Variants in PPL observed in about 807,000 individuals in gnomAD.
PPL encodes the protein periplakin, also known as 190 kDa paraneoplastic pemphigus antigen.
PPL carries 198 observed loss-of-function variants against 194.4 expected under a neutral mutation model. That is an observed-to-expected ratio of 1.02 (90% confidence interval 0.91 to 1.15). The LOEUF (loss-of-function observed/expected upper bound fraction) is 1.15. PPL is among the 50% of genes most tolerant of loss of function. The pLI is 0.00. For synonymous variants in PPL, 1,220 were observed against 972.4 expected, an observed-to-expected ratio of 1.25 and a Z score of -4.74; for missense variants, 2,885 against 2,294.8, an observed-to-expected ratio of 1.26 and a Z score of -5.25.
chr16:4,889,241 G>GGTTTTTTTTTTTTTTTTTTTT lies in PPL; in HGVS notation c.2314-181_2314-180insAAAAAAAAAAAAAAAAAAAAC, dbSNP rs1442783436. Among the ~76,000 whole-genome samples, 20 of 66,634 alleles carry GGTTTTTTTTTTTTTTTTTTTT rather than the reference G, an allele frequency of 3.0e-4. 3 individuals are homozygous for GGTTTTTTTTTTTTTTTTTTTT. Among genetic ancestry groups the GGTTTTTTTTTTTTTTTTTTTT allele is most frequent in the East Asian group, 4.8e-4 (1 of 2,100 alleles). 43.7% of individuals were successfully genotyped at this position (66,634 alleles called of 152,430 possible). On this transcript the variant is annotated intron_variant, in intron 18 of 21. Coordinates refer to ENST00000345988, the MANE Select transcript of PPL (RefSeq NM_002705.5). ...AAAAGGCAGTTTTTTTGTTGTTGTT[G>GGTTTTTTTTTTTTTTTTTTTT]TTTTTTTTTTTTTTTTTTTTTTTTT...
chr16:4,889,239 T>G (rs1399725973), intron 18 of PPL, among the ~76,000 whole-genome samples, 178 bp from the exon 19 acceptor site: 4 of 42,826 alleles, frequency 9.3e-5, no homozygotes, highest in African/African-American at 2.0e-4. Context: ...TTTGTTGTTG[T>G]TGTTTTTTTT....
chr16:4,926,367 G>T (rs1254393127), intron 1 of PPL, among the ~76,000 whole-genome samples: 1 of 152,088 alleles, frequency 6.6e-6, no homozygotes, highest in African/African-American at 2.4e-5. Flanking sequence ...CTGGCAACAG[G>T]CCCTTCACCA....
intron 2 of PPL, among the ~76,000 whole-genome samples, chr16:4,905,122 G>C (rs2088656703): frequency 6.6e-6 from 1 of 152,192 alleles, no homozygotes; most frequent in African/African-American, 2.4e-5. Context: ...AGGGGAATGA[G>C]TGCAGGTTGG....
intron 1 of PPL, among the ~76,000 whole-genome samples, chr16:4,936,219 G>A (rs2089296511): frequency 6.6e-6 from 1 of 152,192 alleles, no homozygotes; most frequent in South Asian, 2.1e-4. Flanking sequence ...GCTGGGGTGG[G>A]GGCAGGGAGC....
In PPL at chr16:4,885,858, C is replaced by T; in HGVS notation, c.2797G>A (p.Val933Met). The change falls in exon 22 of 22, where the codon GTG becomes ATG. Residue 933 changes from valine to methionine, a missense_variant. Val to Met is a conservative substitution (Grantham distance 21). Coordinates refer to ENST00000345988, the MANE Select transcript of PPL (RefSeq NM_002705.5). This position sits in a 1 kb window ranked among gnomAD's most constrained non-coding sequence, Gnocchi z 6.3. ...LRNQGPQESV[V>M]RKEVLKKVPD... ...ACCTTCTTGAGCACCTCCTTCCTCA[C>T]CACCGATTCCTGAGGCCCCTGATTC... 3 of 1,608,264 alleles carry T rather than the reference C, an allele frequency of 1.9e-6. No individual in the cohort carries two copies. Among genetic ancestry groups the T allele is most frequent in the Non-Finnish European group, 2.5e-6 (3 of 1,180,012 alleles).
intron 1 of PPL, among the ~76,000 whole-genome samples, chr16:4,913,338 C>T (rs982662183): frequency 5.9e-5 from 9 of 152,130 alleles, no homozygotes; most frequent in Non-Finnish European, 8.8e-5. Context: ...TGACTTGGCC[C>T]AGCTCCCTTG....
At position 4,885,819 on chromosome 16, in the gene PPL, G is replaced by T. The variant is rs147224647; in HGVS notation, c.2836C>A (p.Leu946Met). Residue 946 changes from leucine (L) to methionine (M), a missense_variant, in exon 22 of 22, where the codon CTG becomes ATG. Physicochemically the swap from Leu to Met is conservative, Grantham distance 15 (BLOSUM62 2). Coordinates refer to ENST00000345988, the MANE Select transcript of PPL (RefSeq NM_002705.5). The surrounding 1 kb of genome is among the most constrained non-coding windows in gnomAD (Gnocchi z 6.3). The part of the protein sequence containing the change: ...EVLKKVPDPV[L>M]EESFQQLQRT... ...TGCAGCTGCTGGAAGCTCTCCTCCA[G>T]CACGGGATCCGGCACCTTCTTGAGC... The T allele has an allele frequency of 6.1e-4, 985 of 1,608,200 alleles. 1 individual carries two copies. The highest frequency in any genetic ancestry group is 7.7e-4 in the Non-Finnish European group (911 of 1,179,976).
intron 1 of PPL, among the ~76,000 whole-genome samples, chr16:4,913,378 T>C (rs1469842999): frequency 6.6e-6 from 1 of 152,152 alleles, no homozygotes; most frequent in African/African-American, 2.4e-5. Flanking sequence ...CCCAATCCGA[T>C]GGACTAGAGT....
Position 4,890,827 on chromosome 16 carries a change from C to T in PPL, c.2063G>A (p.Ser688Asn). 6.3e-7 allele frequency: 1 copy of T among 1,585,532 alleles called. No individual in the cohort carries two copies. The stretch of plus-strand genomic sequence containing the variant: ...GTCCGGACAGTGCTCCTGGAAGCGG[C>T]TGGCCAGTGTGCTCGAGCACTGCTT... ...AAKQCSSTLA[S>N]RFQEHCPDLE... The change falls in exon 17 of 22, where the codon AGC (serine) becomes AAC (asparagine). Residue 688 changes from serine (S) to asparagine (N), a missense_variant. By Grantham distance (46) the Ser-to-Asn change is conservative. Transcript: ENST00000345988.
At chr16:4,912,830 G>A (rs1378384316) in intron 1 of PPL, among the ~76,000 whole-genome samples, 2 of 152,212 alleles carry the variant, frequency 1.3e-5, no homozygotes, top group East Asian at 1.9e-4. Flanking sequence ...GAGGCCCGGT[G>A]TGGTGGCTCA....
chr16:4,915,917 C>T (rs1346240248), intron 1 of PPL, among the ~76,000 whole-genome samples: 1 of 152,180 alleles, frequency 6.6e-6, no homozygotes, highest in Non-Finnish European at 1.5e-5. Context: ...CTTAACAATT[C>T]CATGTGACGA....
rs1437003993 is a variant in PPL at position 4,902,856 on chromosome 16, A to C, written c.318-330T>G. Among the ~76,000 whole-genome samples, 1 of 151,912 alleles carries C rather than the reference A, an allele frequency of 6.6e-6. No individual in the cohort carries two copies. Among genetic ancestry groups the C allele is most frequent in the Non-Finnish European group, 1.5e-5 (1 of 67,954 alleles). On this transcript the variant is annotated intron_variant, in intron 3 of 21. Transcript: ENST00000345988. The surrounding 1 kb of genome is among the most constrained non-coding windows in gnomAD (Gnocchi z 4.0). ...AGGCATGTGCCACCTCGCCTGGGTA[A>C]TTTTGTATTTTCAGTAGAGACGGGG...
intron 19 of PPL, chr16:4,888,620 C>A (rs2088256976): frequency 3.0e-6 from 1 of 330,188 alleles, no homozygotes; most frequent in South Asian, 6.2e-5. Context: ...CTGATTCACG[C>A]AGCTTTCCCC....
At chr16:4,903,160 C>T (rs936877113) in intron 3 of PPL, among the ~76,000 whole-genome samples, 1 of 152,118 alleles carries the variant, frequency 6.6e-6, no homozygotes, top group South Asian at 2.1e-4. Flanking sequence ...TGCCAAGGGT[C>T]GTGGGGCACC....
In PPL at chr16:4,902,294, T is replaced by C; in HGVS notation, c.438+112A>G. 1.3e-6 allele frequency: 2 copies of C among 1,495,108 alleles called. No homozygotes were observed. The highest frequency in any genetic ancestry group is 1.4e-5 in the African/African-American group (1 of 72,158). 92.6% of individuals were successfully genotyped at this position (1,495,108 alleles called of 1,614,324 possible). A position where few individuals can be genotyped will look rare whatever the true frequency, so the allele number is the denominator to read the frequency against. On this transcript the variant is annotated intron_variant, in intron 4 of 21. Transcript: ENST00000345988. The surrounding 1 kb of genome is among the most constrained non-coding windows in gnomAD (Gnocchi z 4.0). ...ACTGGAAAACCATCAGGACCACGAC[T>C]GTCTCCCTGGTAAGACCCGGGATGC...
intron 1 of PPL, 63 bp from the exon 2 acceptor site, chr16:4,911,012 C>T (rs1314263339): frequency 3.7e-6 from 5 of 1,340,712 alleles, no homozygotes; most frequent in Admixed American, 1.8e-5. Flanking sequence ...ATGTCCCCAC[C>T]AGCACCCCAT....
At chr16:4,888,472 C>T (rs2088254667) in intron 19 of PPL, among the ~76,000 whole-genome samples, 1 of 152,230 alleles carries the variant, frequency 6.6e-6, no homozygotes, top group Non-Finnish European at 1.5e-5. Flanking sequence ...ATTCCCCTCC[C>T]AGCCTTTCTA....
chr16:4,894,636 G>A lies in PPL; in HGVS notation c.1243-18C>T, dbSNP rs773232638. The A allele has an allele frequency of 1.6e-5, 25 of 1,610,044 alleles. No homozygotes were observed. Among genetic ancestry groups the A allele is most frequent in the Non-Finnish European group, 2.1e-5 (25 of 1,179,242 alleles). ...ATCAGGCCCTGGCGGGGGCAGGCTG[G>A]ACAGTCAGGATCCCGGCAGGGCCTG... On this transcript the variant is annotated intron_variant, in intron 11 of 21. Coordinates refer to ENST00000345988, the MANE Select transcript of PPL (RefSeq NM_002705.5).
intron 6 of PPL, among the ~76,000 whole-genome samples, chr16:4,900,452 TTTTTA>T (rs775986727): frequency 0.027 from 3,509 of 132,080 alleles, 251 homozygotes; most frequent in Non-Finnish European, 0.041. Flanking sequence ...TTTTTTTTTT[TTTTTA>T]AAGGCAGGGT....
Sources: allele counts gnomAD v4.1 joint callset (sites outside exome capture counted in the v4.1 genomes callset), GRCh38; gene constraint gnomAD v4.1.1; non-coding constraint Gnocchi (gnomAD v3.1); transcripts MANE v1.5; gene names NCBI Gene and HGNC (gene_info 2026-07-23, HGNC 2026-07-21).